Variants in COLEC10 observed in about 807,000 individuals in gnomAD.
COLEC10 encodes the protein collectin-10.
Under a neutral mutation model 28.4 loss-of-function variants are expected in COLEC10, and 22 were observed. The observed-to-expected ratio is 0.78, with a 90% CI of 0.55 to 1.11. COLEC10 has a LOEUF of 1.11. COLEC10 is among the 50% of genes least tolerant of loss of function. COLEC10 has a pLI of 0.00. For synonymous variants in COLEC10, 125 were observed against 116.1 expected (o/e 1.08, Z -0.49); for missense variants, 361 against 344.1 (o/e 1.05, Z -0.39).
the COLEC10 span, among the ~76,000 whole-genome samples, chr8:118,954,120 C>A: frequency 6.6e-6 from 1 of 152,198 alleles, no homozygotes; most frequent in Non-Finnish European, 1.5e-5. Context: ...TTCGCTGAAG[C>A]TTTTAGCTCA....
chr8:119,033,694 C>A (rs549153088), intron 2 of COLEC10, among the ~76,000 whole-genome samples: 3 of 152,212 alleles, frequency 2.0e-5, no homozygotes, highest in South Asian at 4.2e-4. Flanking sequence ...AATGAGATAC[C>A]ATTTCATGCC....
At chr8:118,961,325 T>G in the COLEC10 span, among the ~76,000 whole-genome samples, 10,057 of 152,302 alleles carry the variant, frequency 0.066, 361 homozygotes, top group East Asian at 0.12. Context: ...TTCTGTTTCA[T>G]GCAATTCAAA....
chr8:119,080,167 A>G (rs1815341152), intron 1 of COLEC10, among the ~76,000 whole-genome samples: 1 of 151,938 alleles, frequency 6.6e-6, no homozygotes, highest in South Asian at 2.1e-4. Flanking sequence ...GTTGTAACCT[A>G]CTCATTTGAA....
chr8:119,018,131 A>C (rs1814026747), intron 2 of COLEC10, among the ~76,000 whole-genome samples: 1 of 152,168 alleles, frequency 6.6e-6, no homozygotes, highest in East Asian at 1.9e-4. Flanking sequence ...AAACTTCATT[A>C]GTTCCCTACA....
intron 2 of COLEC10, among the ~76,000 whole-genome samples, chr8:119,028,254 A>G (rs541320133): frequency 6.6e-6 from 1 of 152,326 alleles, no homozygotes; most frequent in South Asian, 2.1e-4. Context: ...TACATATCAT[A>G]TATTACATTG....
the COLEC10 span, among the ~76,000 whole-genome samples, chr8:118,974,417 G>A: frequency 6.6e-6 from 1 of 151,908 alleles, no homozygotes; most frequent in Non-Finnish European, 1.5e-5. Flanking sequence ...GTATACCAAA[G>A]TACTGTGCTC....
chr8:119,049,155 A>T (rs1814632770), intron 2 of COLEC10, among the ~76,000 whole-genome samples: 1 of 152,122 alleles, frequency 6.6e-6, no homozygotes, highest in Non-Finnish European at 1.5e-5. Context: ...CATGCTAAAA[A>T]TAGTCCCCCA....
intron 1 of COLEC10, among the ~76,000 whole-genome samples, chr8:119,089,200 A>G (rs1815540062): frequency 2.0e-5 from 3 of 152,184 alleles, no homozygotes; most frequent in African/African-American, 4.8e-5. Flanking sequence ...GACAGTTGCC[A>G]CTCATGGAAA....
At chr8:119,055,265 T>C (rs1372265686) in intron 2 of COLEC10, among the ~76,000 whole-genome samples, 1 of 152,028 alleles carries the variant, frequency 6.6e-6, no homozygotes, top group Non-Finnish European at 1.5e-5. Flanking sequence ...TTGAGGCTTC[T>C]CAGAAGCAAG....
At chr8:119,082,517 A>G (rs937031736) in intron 1 of COLEC10, among the ~76,000 whole-genome samples, 4 of 152,182 alleles carry the variant, frequency 2.6e-5, no homozygotes, top group South Asian at 4.1e-4. Context: ...CTTATCACCT[A>G]TGACACAATG....
In COLEC10 at chr8:119,059,838, A is replaced by G. The variant is rs71532416; in HGVS notation, n.236-29842A>G. Reference sequence around the variant, plus strand: ...TCCTAACATGACCACTACTCAATCCATTCATGTATCAAAATTGCAAATGTA... The same window carrying G: ...TCCTAACATGACCACTACTCAATCCGTTCATGTATCAAAATTGCAAATGTA... On this transcript the variant is annotated intron_variant and non_coding_transcript_variant, in intron 2 of 6. Coordinates refer to the COLEC10 transcript ENST00000521788. Among the ~76,000 whole-genome samples, 764 of 152,226 alleles carry G rather than the reference A, an allele frequency of 5.0e-3. 7 individuals are homozygous for G. The highest frequency in any genetic ancestry group is 8.4e-3 in the Non-Finnish European group (570 of 67,976).
intron 1 of COLEC10, among the ~76,000 whole-genome samples, chr8:119,086,215 G>A (rs1215214122): frequency 1.3e-5 from 2 of 152,170 alleles, no homozygotes; most frequent in African/African-American, 2.4e-5. Flanking sequence ...GGGAGTGGGT[G>A]TGAGCAAAGC....
chr8:119,053,093 G>A (rs1814702804), intron 2 of COLEC10, among the ~76,000 whole-genome samples: 1 of 152,118 alleles, frequency 6.6e-6, no homozygotes, highest in Admixed American at 6.6e-5. Context: ...TAAGTGGTTT[G>A]ATTTGATGTG....
chr8:119,005,004 A>T (rs570592217), intron 1 of COLEC10, among the ~76,000 whole-genome samples: 1 of 152,182 alleles, frequency 6.6e-6, no homozygotes, highest in Admixed American at 6.6e-5. Context: ...TGCAGGTATG[A>T]TCATGTTATT....
chr8:119,011,936 A>G (rs1447324514), intron 2 of COLEC10, among the ~76,000 whole-genome samples: 1 of 150,640 alleles, frequency 6.6e-6, no homozygotes, highest in Non-Finnish European at 1.5e-5. Flanking sequence ...TCTCTACAGT[A>G]TGTCTTTTAT....
the COLEC10 span, among the ~76,000 whole-genome samples, chr8:118,989,141 A>G: frequency 6.6e-6 from 1 of 152,202 alleles, no homozygotes. Context: ...CAGATGAGTA[A>G]TGTAAGCAGA....
At chr8:119,073,505 A>G (rs1476575565) in intron 1 of COLEC10, among the ~76,000 whole-genome samples, 1 of 151,988 alleles carries the variant, frequency 6.6e-6, no homozygotes, top group Non-Finnish European at 1.5e-5. Context: ...TTCTTTCATT[A>G]TGTGTTTTAA....
At chr8:118,970,887 A>G in the COLEC10 span, among the ~76,000 whole-genome samples, 1 of 152,090 alleles carries the variant, frequency 6.6e-6, no homozygotes, top group South Asian at 2.1e-4. Flanking sequence ...CTTGCACTCA[A>G]ATCATTAGAA....
chr8:119,027,466 T>C (rs1366237506), intron 2 of COLEC10, among the ~76,000 whole-genome samples: 1 of 152,176 alleles, frequency 6.6e-6, no homozygotes, highest in Non-Finnish European at 1.5e-5. Context: ...AATAATCCTT[T>C]GTAAATAGCT....
Sources: allele counts gnomAD v4.1 joint callset (sites outside exome capture counted in the v4.1 genomes callset), GRCh38; gene constraint gnomAD v4.1.1; transcripts MANE v1.5; gene names NCBI Gene and HGNC (gene_info 2026-07-23, HGNC 2026-07-21).